Variants in STEAP2 observed in about 807,000 individuals in gnomAD.
The protein encoded by STEAP2 is metalloreductase STEAP2.
In STEAP2, 30 loss-of-function variants were observed where a neutral mutation model predicts 46.4. The ratio of observed to expected loss-of-function variants is 0.65; its 90% CI spans 0.48 to 0.88. The LOEUF (loss-of-function observed/expected upper bound fraction) is 0.88, where lower values mean the gene tolerates loss of function less well. Among genes scored for constraint, STEAP2 ranks in the 40% least tolerant of loss-of-function variants. The pLI is 0.00. For missense variants in STEAP2, 513 were observed against 579.3 expected, an observed-to-expected ratio of 0.89 and a Z score of 1.18; for synonymous variants, 180 against 200.5, an observed-to-expected ratio of 0.90 and a Z score of 0.86.
intron 1 of STEAP2, 99 bp from the exon 2 acceptor site, chr7:90,216,392 C>T (rs1452615300): frequency 6.6e-6 from 1 of 152,092 alleles, no homozygotes; most frequent in African/African-American, 2.4e-5. Context: ...GAGATACAGT[C>T]ATGGAAATAT....
chr7:90,243,159 CAT>C, the STEAP2 span, among the ~76,000 whole-genome samples: 1 of 152,150 alleles, frequency 6.6e-6, no homozygotes, highest in Non-Finnish European at 1.5e-5. Context: ...CTAGTGTTAC[CAT>C]TTTTCTTTTA....
chr7:90,219,793 T>C (rs1283754706), intron 2 of STEAP2, among the ~76,000 whole-genome samples: 1 of 152,142 alleles, frequency 6.6e-6, no homozygotes, highest in Non-Finnish European at 1.5e-5. Context: ...GGTTATGCAA[T>C]CATAAATCAC....
rs759313068 is a variant in STEAP2, at chr7:90,232,823, T to A, written c.*199T>A. 140 of 1,277,500 alleles carry A rather than the reference T, an allele frequency of 1.1e-4. No individual in the cohort carries two copies. The highest frequency in any genetic ancestry group is 1.3e-4 in the Non-Finnish European group (135 of 1,009,868). 79.1% of individuals were successfully genotyped at this position (1,277,500 alleles called of 1,614,324 possible). On this transcript the variant is annotated 3_prime_UTR_variant, in exon 6 of 6. Coordinates refer to ENST00000394621, the MANE Select transcript of STEAP2 (RefSeq NM_001244944.2). Reference sequence around the variant, plus strand: ...TGTTTGCCAATATGAATTTTTCTAGTCAACATATTATTGTAATTTAGGTAT... The same window carrying A: ...TGTTTGCCAATATGAATTTTTCTAGACAACATATTATTGTAATTTAGGTAT...
At position 90,232,458 on chromosome 7, in the gene STEAP2, T is replaced by A; in HGVS notation, c.1307T>A (p.Leu436His). The change falls in exon 6 of 6, where the codon CTT (leucine) becomes CAT (histidine). Residue 436 changes from leucine to histidine, a missense_variant. Coordinates refer to ENST00000394621, the MANE Select transcript of STEAP2 (RefSeq NM_001244944.2). The stretch of plus-strand genomic sequence containing the variant: ...ACACCACCAAACTTTGTTCTTGCTC[T>A]TGTTTTGCCCTCAATTGTAATTCTG... ...FYTPPNFVLA[L>H]VLPSIVILGK... 6.2e-7 allele frequency: 1 copy of A among 1,613,838 alleles called. No homozygotes were observed. Among genetic ancestry groups the A allele is most frequent in the Non-Finnish European group, 8.5e-7 (1 of 1,179,770 alleles).
At chr7:90,212,817 G>GCCCCAC (rs906830927) in intron 1 of STEAP2, among the ~76,000 whole-genome samples, 17 of 136,074 alleles carry the variant, frequency 1.2e-4, no homozygotes, top group South Asian at 9.7e-4. Context: ...TCAGACTCCT[G>GCCCCAC]CCCCACCCCC....
rs1233086747 is a variant in STEAP2, at chr7:90,234,801, C to T, written c.*2177C>T. ...ATCTCCTGACCTCGTGATCCGCCCG[C>T]CTTGGCCTCCAAAGTGCTGGGATTA... On this transcript the variant is annotated 3_prime_UTR_variant, in exon 6 of 6. Coordinates refer to ENST00000394621, the MANE Select transcript of STEAP2 (RefSeq NM_001244944.2). 3.0e-5 allele frequency: 26 copies of T among 862,908 alleles called. No homozygotes were observed. The highest frequency in any genetic ancestry group is 3.6e-5 in the Non-Finnish European group (26 of 718,766). The allele number at this position is 862,908 out of a possible 1,614,324, so 53.5% of individuals were successfully genotyped here.
intron 2 of STEAP2, among the ~76,000 whole-genome samples, chr7:90,217,707 A>C (rs940151909): frequency 1.2e-4 from 2 of 16,988 alleles, no homozygotes; most frequent in African/African-American, 6.4e-4. Context: ...TAGTGCGCAA[A>C]AAAAAAAAAA....
At chr7:90,220,086 A>G (rs1227142280) in intron 2 of STEAP2, among the ~76,000 whole-genome samples, 1 of 152,142 alleles carries the variant, frequency 6.6e-6, no homozygotes, top group Non-Finnish European at 1.5e-5. Context: ...GAATAATAGT[A>G]TGTAGTTTTC....
chr7:90,241,470 TAATG>T (rs1255489891), downstream of STEAP2, among the ~76,000 whole-genome samples: 2 of 152,228 alleles, frequency 1.3e-5, no homozygotes, highest in Admixed American at 6.5e-5. Context: ...TGAAATCTTT[TAATG>T]AACATTTTTT....
At position 90,232,615 on chromosome 7, in the gene STEAP2, A is replaced by G. The variant is rs1283462644; in HGVS notation, c.1464A>G (p.Thr488=). 11 of 1,608,042 alleles carry G rather than the reference A, an allele frequency of 6.8e-6. No individual in the cohort carries two copies. Among genetic ancestry groups the G allele is most frequent in the Non-Finnish European group, 9.3e-6 (11 of 1,176,898 alleles). The change falls in exon 6 of 6, where the codon ACA becomes ACG. Residue 488 remains threonine, a synonymous_variant. Coordinates refer to ENST00000394621, the MANE Select transcript of STEAP2 (RefSeq NM_001244944.2). ...CTCATGTCTCCCCGGAGAGGGTCAC[A>G]GTAATGTGATGACAAATGGTGTTCA... ...TIPHVSPERV[T]VM
rs192960580 is a variant in STEAP2, at chr7:90,221,172, G to A, written c.-33-3878G>A. Among the ~76,000 whole-genome samples, 250 of 152,180 alleles carry A rather than the reference G, an allele frequency of 1.6e-3. 1 individual carries two copies. The highest frequency in any genetic ancestry group is 3.0e-3 in the Non-Finnish European group (203 of 67,968). On this transcript the variant is annotated intron_variant, in intron 2 of 5. Coordinates refer to ENST00000394621, the MANE Select transcript of STEAP2 (RefSeq NM_001244944.2). ...TATAGTTTAAATTCAATGTTTCTTTGTTAATTTTCTGTCTAGATTATCTGT... is the reference window on the plus strand; with the variant it reads ...TATAGTTTAAATTCAATGTTTCTTTATTAATTTTCTGTCTAGATTATCTGT...
Position 90,236,957 on chromosome 7 carries a change from CT to C in STEAP2, c.*4335del. On this transcript the variant is annotated 3_prime_UTR_variant, in exon 6 of 6. Coordinates refer to ENST00000394621, the MANE Select transcript of STEAP2 (RefSeq NM_001244944.2). ...GGAATTTGTCTTCCTATTGACTCTA[CT>C]TCTTTAAAAGCGGCTGCCCATTACA... is the stretch of plus-strand genomic sequence containing the variant. The C allele has an allele frequency of 6.2e-7, 1 of 1,614,040 alleles. No individual in the cohort carries two copies. The highest frequency in any genetic ancestry group is 1.6e-4 in the Middle Eastern group (1 of 6,062).
rs1795841415 is a variant in STEAP2 at position 90,233,509 on chromosome 7, T to G, written c.*885T>G. 1 of 985,332 alleles carries G rather than the reference T, an allele frequency of 1.0e-6. No individual in the cohort carries two copies. Among genetic ancestry groups the G allele is most frequent in the East Asian group, 1.1e-4 (1 of 8,838 alleles). The allele number at this position is 985,332 out of a possible 1,614,324, so 61.0% of individuals were successfully genotyped here. On this transcript the variant is annotated 3_prime_UTR_variant, in exon 6 of 6. Transcript: ENST00000394621. The stretch of plus-strand genomic sequence containing the variant: ...CACCTTAACCAGTCACCACTTGCTA[T>G]GGTATAGGATTATACTGATGTTCTT...
Position 90,236,186 on chromosome 7 carries a change from TC to T in STEAP2, c.*3568del, listed in dbSNP as rs1021916803. The T allele has an allele frequency of 3.4e-5, 25 of 739,874 alleles. No individual in the cohort carries two copies. Among genetic ancestry groups the T allele is most frequent in the South Asian group, 6.3e-5 (1 of 15,770 alleles). The allele number at this position is 739,874 out of a possible 1,614,324, so 45.8% of individuals were successfully genotyped here. ...ATTTCATAATAAATTCTGTACAGTTTCCCCCCAAAAAAGAGATTTATTTATG... is the reference window on the plus strand; with the variant it reads ...ATTTCATAATAAATTCTGTACAGTTTCCCCCAAAAAAGAGATTTATTTATG... On this transcript the variant is annotated 3_prime_UTR_variant, in exon 6 of 6. Coordinates refer to ENST00000394621, the MANE Select transcript of STEAP2 (RefSeq NM_001244944.2).
At chr7:90,226,648 A>G (rs1270926819) in intron 3 of STEAP2, among the ~76,000 whole-genome samples, 5 of 152,178 alleles carry the variant, frequency 3.3e-5, no homozygotes, top group Non-Finnish European at 7.4e-5. Flanking sequence ...TTATACAAAC[A>G]TCTTCAGGGA....
At chr7:90,242,466 T>C (rs1796075880), downstream of STEAP2, among the ~76,000 whole-genome samples, 1 of 152,106 alleles carries the variant, frequency 6.6e-6, no homozygotes, top group East Asian at 1.9e-4. Context: ...AGTGGAAATT[T>C]TTCCTTTCCC....
rs1424497725 is a variant in STEAP2 at position 90,232,507 on chromosome 7, A to G, written c.1356A>G (p.Pro452=). The part of the protein sequence containing the change: ...VILGKIILFL[P]CISRKLKRIK... Reference sequence around the variant, plus strand: ...TGGGTAAGATTATTTTATTCCTTCCATGTATAAGCCGAAAGCTAAAACGAA... The same window carrying G: ...TGGGTAAGATTATTTTATTCCTTCCGTGTATAAGCCGAAAGCTAAAACGAA... Residue 452 remains proline, a synonymous_variant, in exon 6 of 6, where the codon CCA becomes CCG. Transcript: ENST00000394621. 3.7e-6 allele frequency: 6 copies of G among 1,613,692 alleles called. No individual in the cohort carries two copies. The highest frequency in any genetic ancestry group is 2.7e-5 in the African/African-American group (2 of 74,914).
At chr7:90,226,939 G>GATTAC (rs767020646) in intron 3 of STEAP2, 32 bp from the exon 4 acceptor site, 44 of 1,534,716 alleles carry the variant, frequency 2.9e-5, no homozygotes, top group Non-Finnish European at 3.8e-5. Context: ...AAACAACAAT[G>GATTAC]GTAATGCTGA....
downstream of STEAP2, among the ~76,000 whole-genome samples, chr7:90,242,462 A>C (rs1339099093): frequency 6.6e-6 from 1 of 152,076 alleles, no homozygotes; most frequent in Non-Finnish European, 1.5e-5. Context: ...TTTAAGTGGA[A>C]ATTTTTCCTT....
Sources: gnomAD v4.1 joint callset for allele counts (sites outside exome capture counted in the v4.1 genomes callset) on GRCh38, gnomAD v4.1.1 for gene constraint, MANE v1.5 for transcripts, NCBI Gene and HGNC (gene_info 2026-07-23, HGNC 2026-07-21) for gene names.